Variants in LAMB1 observed in about 807,000 individuals in gnomAD.
LAMB1 encodes laminin subunit beta 1.
In LAMB1, 121 loss-of-function variants were observed where a neutral mutation model predicts 222.3. That is an observed-to-expected ratio of 0.54 (90% CI 0.47 to 0.63). LAMB1 has a LOEUF of 0.63. Ranked by LOEUF, LAMB1 falls within the 30% of genes least tolerant of loss-of-function variation. LAMB1 has a pLI of 0.00. For synonymous variants in LAMB1, 794 were observed against 807.2 expected (o/e 0.98, Z 0.28); for missense variants, 2,172 against 2,240.8 (o/e 0.97, Z 0.62).
intron 29 of LAMB1, among the ~76,000 whole-genome samples, chr7:107,930,468 G>C (rs577991418): frequency 1.2e-4 from 18 of 152,220 alleles, no homozygotes; most frequent in African/African-American, 3.9e-4. Context: ...ACAGAATACT[G>C]ATTTTTTTTC....
At chr7:107,956,192 C>T (rs891969170) in intron 20 of LAMB1, among the ~76,000 whole-genome samples, 6 of 151,846 alleles carry the variant, frequency 4.0e-5, no homozygotes, top group African/African-American at 1.4e-4. Context: ...CCACCATACC[C>T]AGCCTAATTT....
chr7:107,941,849 TTTTTTTTTTA>T (rs2032990632), intron 24 of LAMB1, among the ~76,000 whole-genome samples: 14 of 98,762 alleles, frequency 1.4e-4, no homozygotes, highest in East Asian at 3.5e-4. Context: ...TTTTTTTTTT[TTTTTTTTTTA>T]AGAGACGGTG....
Position 107,980,626 on chromosome 7 carries a change from C to G in LAMB1, c.862G>C (p.Glu288Gln). ...SECAPVDGFN[E>Q]EVEGMVHGHC... is the part of the protein sequence containing the mutation. ...TTACTTACCATTCCTTCCACTTCTT[C>G]ATTGAATCCATCCACAGGGGCACAT... Residue 288 changes from glutamate (E) to glutamine (Q), a missense_variant, in exon 8 of 34, where the codon GAA (glutamate) becomes CAA (glutamine). Transcript: ENST00000222399. 6.2e-7 allele frequency: 1 copy of G among 1,613,956 alleles called. No homozygotes were observed. The highest frequency in any genetic ancestry group is 8.5e-7 in the Non-Finnish European group (1 of 1,179,914).
intron 4 of LAMB1, among the ~76,000 whole-genome samples, chr7:107,995,500 A>G (rs1368042767): frequency 6.6e-6 from 1 of 152,246 alleles, no homozygotes; most frequent in Non-Finnish European, 1.5e-5. Context: ...CCTATCCCTG[A>G]TGGGGAAACC....
intron 8 of LAMB1, among the ~76,000 whole-genome samples, chr7:107,979,524 C>T (rs555540180): frequency 4.6e-5 from 7 of 152,242 alleles, no homozygotes; most frequent in African/African-American, 1.2e-4. Context: ...GCTCTATCAC[C>T]AATAGTTGGT....
At chr7:107,937,039 T>G in intron 26 of LAMB1, 54 bp downstream of exon 26, 1 of 1,454,226 alleles carries the variant, frequency 6.9e-7, no homozygotes, top group Non-Finnish European at 9.5e-7. Context: ...ATTAAAACGT[T>G]AGACATATCG....
At chr7:107,967,063 G>A (rs2033651559) in intron 13 of LAMB1, among the ~76,000 whole-genome samples, 1 of 152,130 alleles carries the variant, frequency 6.6e-6, no homozygotes, top group Non-Finnish European at 1.5e-5. Context: ...TCTATTTCCA[G>A]CCATCAATGG....
rs1195858849 is a variant in LAMB1 at position 107,953,524 on chromosome 7, T to C, written c.3079+6A>G. 3 of 1,599,278 alleles carry C rather than the reference T, an allele frequency of 1.9e-6. No homozygotes were observed. In the East Asian group the frequency reaches 6.7e-5, roughly 36 times the overall value. On this transcript the variant is annotated splice_donor_region_variant and intron_variant, in intron 22 of 33. Transcript: ENST00000222399. ...AAGAAGTGGGCAGAATAAATGTGCATCTTACTTCGACAGTCCTGCTGGAGG... is the reference window on the plus strand; with the variant it reads ...AAGAAGTGGGCAGAATAAATGTGCACCTTACTTCGACAGTCCTGCTGGAGG...
At chr7:107,954,666 C>CT (rs998462015) in intron 21 of LAMB1, among the ~76,000 whole-genome samples, 6 of 152,158 alleles carry the variant, frequency 3.9e-5, no homozygotes, top group Admixed American at 3.9e-4. Flanking sequence ...TGGCAGGTGC[C>CT]TGTAGCCCCA....
intron 24 of LAMB1, chr7:107,940,568 A>T: frequency 1.8e-6 from 1 of 570,884 alleles, no homozygotes; most frequent in Non-Finnish European, 3.1e-6. Flanking sequence ...CAGTAATAAT[A>T]CTTTAAACAG....
At chr7:107,960,159 G>A (rs1396340285) in intron 18 of LAMB1, among the ~76,000 whole-genome samples, 1 of 152,128 alleles carries the variant, frequency 6.6e-6, no homozygotes, top group East Asian at 1.9e-4. Flanking sequence ...ATGCTTCTCT[G>A]ATTCCATTCC....
At chr7:107,949,145 A>G (rs2116386080) in intron 24 of LAMB1, among the ~76,000 whole-genome samples, 1 of 152,320 alleles carries the variant, frequency 6.6e-6, no homozygotes, top group East Asian at 1.9e-4. Flanking sequence ...AGTTTCTAAA[A>G]CAGGATCTAA....
At chr7:107,961,185 C>T (rs762085412) in intron 17 of LAMB1, 21 bp downstream of exon 17, 2 of 1,613,816 alleles carry the variant, frequency 1.2e-6, no homozygotes, top group Non-Finnish European at 1.7e-6. Context: ...CTGCATATGC[C>T]AGAAGCAATC....
chr7:107,949,456 T>C (rs902940626), intron 24 of LAMB1, among the ~76,000 whole-genome samples: 19 of 152,200 alleles, frequency 1.2e-4, no homozygotes, highest in Non-Finnish European at 2.5e-4. Context: ...CTTGGGGCAT[T>C]ACAAGTTTGA....
chr7:107,936,104 A>G (rs1190474513), intron 26 of LAMB1, among the ~76,000 whole-genome samples: 2 of 152,254 alleles, frequency 1.3e-5, no homozygotes, highest in African/African-American at 4.8e-5. Context: ...AAATGGTTGT[A>G]TCTGTACTGA....
intron 7 of LAMB1, among the ~76,000 whole-genome samples, chr7:107,984,370 T>C (rs2034032923): frequency 6.6e-6 from 1 of 152,210 alleles, no homozygotes. Flanking sequence ...TGCCTCAGCC[T>C]CCTGAGTAGC....
chr7:107,926,924 G>GA (rs993558010), intron 31 of LAMB1, among the ~76,000 whole-genome samples: 2 of 151,274 alleles, frequency 1.3e-5, no homozygotes, highest in East Asian at 3.9e-4. Context: ...GTTATTTAGG[G>GA]AAAAAAAAAT....
intron 4 of LAMB1, among the ~76,000 whole-genome samples, chr7:107,996,723 T>C (rs1353106304): frequency 6.6e-6 from 1 of 152,196 alleles, no homozygotes; most frequent in East Asian, 1.9e-4. Flanking sequence ...TAGAAGTTGA[T>C]TAACTCGACA....
At chr7:107,933,872 C>A (rs1469074311) in intron 27 of LAMB1, among the ~76,000 whole-genome samples, 1 of 152,170 alleles carries the variant, frequency 6.6e-6, no homozygotes, top group Non-Finnish European at 1.5e-5. Context: ...GAACCCCACC[C>A]ACCGCCCATG....
Sources: allele counts gnomAD v4.1 joint callset (sites outside exome capture counted in the v4.1 genomes callset), GRCh38; gene constraint gnomAD v4.1.1; transcripts MANE v1.5; gene names NCBI Gene and HGNC (gene_info 2026-07-23, HGNC 2026-07-21).